The following ARB2A variants were observed in gnomAD, a reference collection of about 807,000 sequenced individuals.
ARB2A encodes cotranscriptional regulator ARB2A.
the ARB2A span, among the ~76,000 whole-genome samples, chr5:93,790,768 A>G: frequency 6.6e-6 from 1 of 152,224 alleles, no homozygotes; most frequent in African/African-American, 2.4e-5. Context: ...TTTAAAAAAA[A>G]AGATAATCAC....
the ARB2A span, among the ~76,000 whole-genome samples, chr5:93,950,400 A>G: frequency 6.6e-6 from 1 of 152,104 alleles, no homozygotes; most frequent in Admixed American, 6.5e-5. Flanking sequence ...CTTTTAAATA[A>G]AAGTCATTTT....
chr5:93,896,342 A>C, the ARB2A span, among the ~76,000 whole-genome samples: 1 of 152,106 alleles, frequency 6.6e-6, no homozygotes, highest in Admixed American at 6.6e-5. Flanking sequence ...ACAATTCCCC[A>C]AGTGCAGATT....
the ARB2A span, among the ~76,000 whole-genome samples, chr5:93,884,586 C>T: frequency 1.3e-5 from 2 of 151,506 alleles, no homozygotes; most frequent in African/African-American, 4.8e-5. Flanking sequence ...ATGGATGCTT[C>T]TATTTAAACA....
the ARB2A span, among the ~76,000 whole-genome samples, chr5:94,008,329 A>T: frequency 6.6e-6 from 1 of 152,250 alleles, no homozygotes; most frequent in South Asian, 2.1e-4. Context: ...ACACTTTGCC[A>T]AAAGAAGTTC....
chr5:93,912,930 A>G, the ARB2A span, among the ~76,000 whole-genome samples: 2 of 151,884 alleles, frequency 1.3e-5, no homozygotes, highest in Non-Finnish European at 2.9e-5. Context: ...TTTAGCATAC[A>G]TATTACTTTG....
the ARB2A span, chr5:93,683,257 T>C: frequency 6.3e-7 from 1 of 1,575,354 alleles, no homozygotes; most frequent in Non-Finnish European, 8.7e-7. Flanking sequence ...GTTTTACTTT[T>C]TTCTGTGGAA....
the ARB2A span, among the ~76,000 whole-genome samples, chr5:94,060,608 C>T: frequency 1.3e-5 from 2 of 152,090 alleles, no homozygotes; most frequent in African/African-American, 4.8e-5. Context: ...ACCAATTCTA[C>T]ACAATATCTT....
the ARB2A span, among the ~76,000 whole-genome samples, chr5:94,106,657 TA>T: frequency 1.3e-5 from 2 of 151,792 alleles, no homozygotes; most frequent in Non-Finnish European, 1.5e-5. Flanking sequence ...ATCATTCTAA[TA>T]AAAAGACAAC....
At chr5:93,789,189 T>G in the ARB2A span, among the ~76,000 whole-genome samples, 1 of 152,252 alleles carries the variant, frequency 6.6e-6, no homozygotes, top group Non-Finnish European at 1.5e-5. Flanking sequence ...GTTACACATA[T>G]GTACTGTGAG....
the ARB2A span, among the ~76,000 whole-genome samples, chr5:93,867,988 T>C: frequency 2.0e-5 from 3 of 152,136 alleles, no homozygotes; most frequent in Admixed American, 1.3e-4. Context: ...AATCTAAGCA[T>C]ACAATTTCAC....
At chr5:94,069,269 C>T in the ARB2A span, among the ~76,000 whole-genome samples, 19 of 152,156 alleles carry the variant, frequency 1.2e-4, no homozygotes, top group African/African-American at 4.3e-4. Flanking sequence ...CCCCATCATT[C>T]ATCTATAAAA....
chr5:93,857,517 C>G, the ARB2A span, among the ~76,000 whole-genome samples: 1 of 152,184 alleles, frequency 6.6e-6, no homozygotes, highest in Non-Finnish European at 1.5e-5. Flanking sequence ...GCCTCGCTGT[C>G]ACTTTCCAGT....
chr5:93,693,133 A>G, the ARB2A span, among the ~76,000 whole-genome samples: 1 of 152,322 alleles, frequency 6.6e-6, no homozygotes, highest in South Asian at 2.1e-4. Flanking sequence ...TAACATCACA[A>G]TTAAAAGAAC....
At chr5:93,760,994 T>C in the ARB2A span, among the ~76,000 whole-genome samples, 4 of 152,188 alleles carry the variant, frequency 2.6e-5, no homozygotes, top group Admixed American at 2.0e-4. Context: ...ATCTTCACAA[T>C]CTATACATCT....
the ARB2A span, among the ~76,000 whole-genome samples, chr5:94,007,823 C>G: frequency 6.6e-6 from 1 of 150,636 alleles, no homozygotes; most frequent in African/African-American, 2.4e-5. Context: ...AAACAAAGGA[C>G]TTTATTAATA....
the ARB2A span, among the ~76,000 whole-genome samples, chr5:94,065,406 C>T: frequency 2.0e-5 from 3 of 152,098 alleles, no homozygotes; most frequent in Admixed American, 6.6e-5. Context: ...CCCAGATACT[C>T]AAGAGGCTGA....
the ARB2A span, among the ~76,000 whole-genome samples, chr5:93,760,661 C>G: frequency 2.0e-5 from 3 of 152,166 alleles, no homozygotes; most frequent in Non-Finnish European, 4.4e-5. Flanking sequence ...AAAGGACATC[C>G]TTTTCAACAA....
chr5:93,693,823 C>T, the ARB2A span, among the ~76,000 whole-genome samples: 1 of 152,110 alleles, frequency 6.6e-6, no homozygotes, highest in African/African-American at 2.4e-5. Flanking sequence ...CCCAGCAGCA[C>T]ATCAAAAAGC....
chr5:93,672,363 G>A, the ARB2A span, among the ~76,000 whole-genome samples: 1 of 151,598 alleles, frequency 6.6e-6, no homozygotes, highest in Non-Finnish European at 1.5e-5. Flanking sequence ...AGGCTGGAGT[G>A]CAATGGCGCC....
Sources: allele counts gnomAD v4.1 joint callset (sites outside exome capture counted in the v4.1 genomes callset), GRCh38; gene constraint gnomAD v4.1.1; transcripts MANE v1.5; gene names NCBI Gene and HGNC (gene_info 2026-07-23, HGNC 2026-07-21).